The following CDK2 variants were observed in gnomAD, a reference collection of about 807,000 sequenced individuals.
The protein encoded by CDK2 is cyclin dependent kinase 2.
In CDK2, 8 loss-of-function variants were observed where a neutral mutation model predicts 35.0. The observed-to-expected ratio is 0.23, with a 90% CI of 0.13 to 0.41. CDK2 has a LOEUF of 0.41. Among genes scored for constraint, CDK2 ranks in the 10% least tolerant of loss-of-function variants. The probability of loss-of-function intolerance (pLI) is 1.00; values close to 1 mark genes in which losing one functional copy is unlikely to be tolerated. For missense variants in CDK2, 201 were observed against 367.1 expected (o/e 0.55, Z 3.70); for synonymous variants, 134 against 137.7 (o/e 0.97, Z 0.19).
intron 1 of CDK2, chr12:55,967,450 G>T (rs1426854322): frequency 2.4e-6 from 1 of 424,200 alleles, no homozygotes; most frequent in Non-Finnish European, 4.3e-6. Flanking sequence ...AGTTATGTGG[G>T]AACCGGCGAG....
chr12:55,967,809 G>A (rs1198745887), intron 1 of CDK2, 48 bp from the exon 2 acceptor site: 1 of 1,485,404 alleles, frequency 6.7e-7, no homozygotes. Context: ...GGGGGGAAAG[G>A]AATATTTGTA....
chr12:55,971,657 A>G lies in CDK2; in HGVS notation c.*32A>G. 4.0e-6 allele frequency: 6 copies of G among 1,485,156 alleles called. No homozygotes were observed. The South Asian group carries it at 5.7e-5, about 14-fold the overall frequency. 92.0% of individuals were successfully genotyped at this position (1,485,156 alleles called of 1,614,324 possible). The stretch of plus-strand genomic sequence containing the variant: ...TCTTGAAGCCCCCAGCCCTAATCTC[A>G]CCCTCTCCTCCAGTGTGGGCTTGAC... On this transcript the variant is annotated 3_prime_UTR_variant, in exon 7 of 7. Coordinates refer to ENST00000266970, the MANE Select transcript of CDK2 (RefSeq NM_001798.5).
At position 55,971,084 on chromosome 12, in the gene CDK2, A is replaced by G. The variant is rs1205856792; in HGVS notation, c.629A>G (p.Asp210Gly). The part of the protein sequence containing the change: ...RALFPGDSEI[D>G]QLFRIFRTLG... ...CTATTCCCTGGAGATTCTGAGATTGACCAGCTCTTCCGGATCTTTCGGACT... is the reference window on the plus strand; with the variant it reads ...CTATTCCCTGGAGATTCTGAGATTGGCCAGCTCTTCCGGATCTTTCGGACT... The change falls in exon 6 of 7, where the codon GAC (aspartate) becomes GGC (glycine). Residue 210 changes from aspartate (D) to glycine (G), a missense_variant. Asp to Gly is a moderately conservative substitution (Grantham distance 94). Coordinates refer to ENST00000266970, the MANE Select transcript of CDK2 (RefSeq NM_001798.5). 6.2e-7 allele frequency: 1 copy of G among 1,614,024 alleles called. No individual in the cohort carries two copies. Among genetic ancestry groups the G allele is most frequent in the Non-Finnish European group, 8.5e-7 (1 of 1,180,012 alleles).
intron 3 of CDK2, 62 bp from the exon 4 acceptor site, chr12:55,968,716 A>G: frequency 7.4e-7 from 1 of 1,342,548 alleles, no homozygotes; most frequent in Non-Finnish European, 1.0e-6. Flanking sequence ...TTAGGGGCAC[A>G]GAGCAAACCC....
chr12:55,971,112 G>C lies in CDK2; in HGVS notation c.657G>C (p.Leu219=). The change falls in exon 6 of 7, where the codon CTG becomes CTC. Residue 219 remains leucine (L), a synonymous_variant. Transcript: ENST00000266970. ...AGCTCTTCCGGATCTTTCGGACTCTGGGGACCCCAGATGAGGTGGTGTGGC... is the reference window on the plus strand; with the variant it reads ...AGCTCTTCCGGATCTTTCGGACTCTCGGGACCCCAGATGAGGTGGTGTGGC... ...IDQLFRIFRT[L]GTPDEVVWPG... is the part of the protein sequence containing the mutation. 1 of 1,614,114 alleles carries C rather than the reference G, an allele frequency of 6.2e-7. No individual in the cohort carries two copies. The highest frequency in any genetic ancestry group is 8.5e-7 in the Non-Finnish European group (1 of 1,180,002).
Position 55,971,497 on chromosome 12 carries a change from G to A in CDK2, c.793-24G>A, listed in dbSNP as rs550489634. Reference sequence around the variant, plus strand: ...TTTAGTCCACTATCACATCATTGAAGTCAACATGCATCTCTCCCTCTAGCA... The same window carrying A: ...TTTAGTCCACTATCACATCATTGAAATCAACATGCATCTCTCCCTCTAGCA... On this transcript the variant is annotated intron_variant, in intron 6 of 6. Coordinates refer to ENST00000266970, the MANE Select transcript of CDK2 (RefSeq NM_001798.5). 8 of 1,563,246 alleles carry A rather than the reference G, an allele frequency of 5.1e-6. No homozygotes were observed. In the East Asian group the frequency reaches 1.6e-4, roughly 31 times the overall value.
In CDK2 at chr12:55,967,888, C is replaced by T. The variant is rs1354919421; in HGVS notation, c.148C>T (p.Arg50Ter). ...TGAGGGTGTGCCCAGTACTGCCATC[C>T]GAGAGATCTCTCTGCTTAAGGAGCT... ...ETEGVPSTAI[R>*]EISLLKELNH... Residue 50 changes from arginine (R) to a stop codon, truncating the protein, a stop_gained, in exon 2 of 7, where the codon CGA (arginine) becomes TGA (stop). Coordinates refer to ENST00000266970, the MANE Select transcript of CDK2 (RefSeq NM_001798.5). LOFTEE classifies it high-confidence loss of function. 1 of 1,614,016 alleles carries T rather than the reference C, an allele frequency of 6.2e-7. No individual in the cohort carries two copies. The highest frequency in any genetic ancestry group is 8.5e-7 in the Non-Finnish European group (1 of 1,179,956).
intron 3 of CDK2, chr12:55,968,452 C>T: frequency 2.1e-6 from 1 of 480,756 alleles, no homozygotes; most frequent in Non-Finnish European, 3.7e-6. Context: ...TTGGTAAATT[C>T]CTCCAAAAAG....
intron 5 of CDK2, 25 bp downstream of exon 5, chr12:55,969,601 C>T (rs753097491): frequency 1.4e-6 from 2 of 1,387,486 alleles, no homozygotes; most frequent in Non-Finnish European, 2.0e-6. Context: ...CCAAGTTCCA[C>T]CCAGCCCCCT....
At chr12:55,967,153 A>G in intron 1 of CDK2, 29 bp downstream of exon 1, 1 of 1,518,984 alleles carries the variant, frequency 6.6e-7, no homozygotes, top group Non-Finnish European at 9.1e-7. Context: ...CGGGACTCCT[A>G]ACTGGGGACC....
chr12:55,967,285 T>A, intron 1 of CDK2, 161 bp downstream of exon 1: 1 of 630,636 alleles, frequency 1.6e-6, no homozygotes, highest in Non-Finnish European at 2.8e-6. Context: ...GTGAAGAGTA[T>A]ACTTATACTC....
intron 3 of CDK2, 21 bp from the exon 4 acceptor site, chr12:55,968,757 C>T (rs1262657877): frequency 1.3e-6 from 2 of 1,561,408 alleles, no homozygotes; most frequent in Non-Finnish European, 1.7e-6. Context: ...GAAACACAGT[C>T]CTCTCTTTCT....
chr12:55,969,513 G>A lies in CDK2; in HGVS notation c.525G>A (p.Leu175=). The A allele has an allele frequency of 6.2e-7, 1 of 1,610,982 alleles. No homozygotes were observed. The highest frequency in any genetic ancestry group is 8.5e-7 in the Non-Finnish European group (1 of 1,178,558). Residue 175 remains leucine (L), a synonymous_variant, in exon 5 of 7, where the codon CTG becomes CTA. Coordinates refer to ENST00000266970, the MANE Select transcript of CDK2 (RefSeq NM_001798.5). ...GGTACCGAGCTCCTGAAATCCTCCT[G>A]GGCTGCAAATATTATTCCACAGCTG... ...TLWYRAPEIL[L]GCKYYSTAVD...
chr12:55,972,060 T>C lies in CDK2; in HGVS notation c.*435T>C, dbSNP rs964581296. 6.1e-5 allele frequency: 10 copies of C among 163,208 alleles called. No homozygotes were observed. The highest frequency in any genetic ancestry group is 1.2e-4 in the Non-Finnish European group (9 of 75,332). 10.1% of individuals were successfully genotyped at this position (163,208 alleles called of 1,614,324 possible). On this transcript the variant is annotated 3_prime_UTR_variant, in exon 7 of 7. Coordinates refer to ENST00000266970, the MANE Select transcript of CDK2 (RefSeq NM_001798.5). ...ATAGCGGGGGCTAAGTTGGTGCTTT[T>C]GAGAACCAAGTAAAACAAAACCACT...
chr12:55,968,708 A>T, intron 3 of CDK2, 70 bp from the exon 4 acceptor site: 1 of 1,218,342 alleles, frequency 8.2e-7, no homozygotes, highest in Non-Finnish European at 1.1e-6. Flanking sequence ...GTAGAGTTTT[A>T]GGGGCACAGA....
Position 55,971,946 on chromosome 12 carries a change from T to C in CDK2, c.*321T>C. ...ACACGTTAGATTTGCCGTACCAATCTCTGAATGCCCCATAATTATTATTTC... is the reference window on the plus strand; with the variant it reads ...ACACGTTAGATTTGCCGTACCAATCCCTGAATGCCCCATAATTATTATTTC... On this transcript the variant is annotated 3_prime_UTR_variant, in exon 7 of 7. Coordinates refer to ENST00000266970, the MANE Select transcript of CDK2 (RefSeq NM_001798.5). 1 of 254,842 alleles carries C rather than the reference T, an allele frequency of 3.9e-6. No homozygotes were observed. The highest frequency in any genetic ancestry group is 7.5e-6 in the Non-Finnish European group (1 of 133,272). The allele number at this position is 254,842 out of a possible 1,614,324, so 15.8% of individuals were successfully genotyped here. A position where few individuals can be genotyped will look rare whatever the true frequency, so the allele number is the denominator to read the frequency against.
chr12:55,970,741 C>T (rs892417955), intron 5 of CDK2: 30 of 701,256 alleles, frequency 4.3e-5, no homozygotes, highest in Admixed American at 1.0e-4. Flanking sequence ...CCCCCTACCC[C>T]GTGAGTGGCT....
chr12:55,969,349 G>A (rs1889417100), intron 4 of CDK2, 126 bp from the exon 5 acceptor site: 1 of 501,666 alleles, frequency 2.0e-6, no homozygotes, highest in South Asian at 3.6e-5. Flanking sequence ...GGAGGGGAAA[G>A]ATGATGGAGG....
In CDK2 at chr12:55,971,636, G is replaced by A. The variant is rs1278978846; in HGVS notation, c.*11G>A. ...CATCTTCGACTCTGATAGCCTTCTT[G>A]AAGCCCCCAGCCCTAATCTCACCCT... On this transcript the variant is annotated 3_prime_UTR_variant, in exon 7 of 7. Coordinates refer to ENST00000266970, the MANE Select transcript of CDK2 (RefSeq NM_001798.5). 13 of 1,583,926 alleles carry A rather than the reference G, an allele frequency of 8.2e-6. No homozygotes were observed. The highest frequency in any genetic ancestry group is 1.1e-5 in the Non-Finnish European group (13 of 1,152,388).
Sources: allele counts gnomAD v4.1 joint callset, GRCh38; gene constraint gnomAD v4.1.1; transcripts MANE v1.5; gene names NCBI Gene and HGNC (gene_info 2026-07-23, HGNC 2026-07-21).